Variants in LBP observed in about 807,000 individuals in gnomAD.
LBP encodes the protein lipopolysaccharide-binding protein.
Under a neutral mutation model 56.6 loss-of-function variants are expected in LBP, and 53 were observed. That is an observed-to-expected ratio of 0.94 (90% CI 0.75 to 1.18). The LOEUF is 1.18. LBP is among the 50% of genes most tolerant of loss of function. LBP has a pLI of 0.00. For synonymous variants in LBP, 227 were observed against 247.5 expected (o/e 0.92, Z 0.78); for missense variants, 601 against 598.3 (o/e 1.00, Z -0.05).
Position 38,373,153 on chromosome 20 carries a change from T to C in LBP, c.1324+18T>C. On this transcript the variant is annotated intron_variant, in intron 13 of 14. Coordinates refer to ENST00000217407, the MANE Select transcript of LBP (RefSeq NM_004139.5). The stretch of plus-strand genomic sequence containing the variant: ...GTTCAATGGTAAGAATCACTGTGGA[T>C]TTTTCCAAGTCAAAAGTGAACACTG... 4.4e-6 allele frequency: 7 copies of C among 1,606,986 alleles called. No individual in the cohort carries two copies. Among genetic ancestry groups the C allele is most frequent in the Non-Finnish European group, 6.0e-6 (7 of 1,173,542 alleles).
chr20:38,349,852 G>A (rs754122117), intron 2 of LBP, among the ~76,000 whole-genome samples, 190 bp downstream of exon 2: 10 of 152,276 alleles, frequency 6.6e-5, no homozygotes, highest in Non-Finnish European at 1.0e-4. Flanking sequence ...ACTCAGTCAC[G>A]CAGCAAATAT....
Position 38,376,639 on chromosome 20 carries a change from G to C in LBP, c.1416G>C (p.Leu472Phe). 2 of 1,613,990 alleles carry C rather than the reference G, an allele frequency of 1.2e-6. No homozygotes were observed. The highest frequency in any genetic ancestry group is 1.7e-6 in the Non-Finnish European group (2 of 1,179,894). The change falls in exon 15 of 15, where the codon TTG becomes TTC. Residue 472 changes from leucine (L) to phenylalanine (F), a missense_variant. Coordinates refer to ENST00000217407, the MANE Select transcript of LBP (RefSeq NM_004139.5). ...GLQIHKDFLF[L>F]GANVQYMRV The stretch of plus-strand genomic sequence containing the variant: ...GTTTTTCCTAGGACTTCCTGTTCTT[G>C]GGTGCCAATGTCCAATACATGAGAG...
chr20:38,371,221 C>T, intron 11 of LBP, 59 bp from the exon 12 acceptor site: 21 of 1,437,796 alleles, frequency 1.5e-5, no homozygotes, highest in Non-Finnish European at 2.0e-5. Context: ...CTGGGGACCC[C>T]CGCATTGCTT....
At chr20:38,373,461 A>G (rs1031261682) in intron 13 of LBP, among the ~76,000 whole-genome samples, 2 of 152,238 alleles carry the variant, frequency 1.3e-5, no homozygotes, top group Non-Finnish European at 2.9e-5. Flanking sequence ...TAGAAGGCAC[A>G]AGGCAGCCGC....
At position 38,346,609 on chromosome 20, in the gene LBP, C is replaced by T. The variant is rs745670381; in HGVS notation, c.93C>T (p.Val31=). Residue 31 remains valine, a synonymous_variant, in exon 1 of 15, where the codon GTC becomes GTT. Coordinates refer to ENST00000217407, the MANE Select transcript of LBP (RefSeq NM_004139.5). ...CTCTGGGTGCCAACCCCGGCTTGGT[C>T]GCCAGGATCACCGACAAGGGACTGC... ...PEALGANPGL[V]ARITDKGLQY... is the part of the protein sequence containing the mutation. The T allele has an allele frequency of 3.7e-6, 6 of 1,613,464 alleles. No individual in the cohort carries two copies. The highest frequency in any genetic ancestry group is 2.2e-5 in the South Asian group (2 of 91,054).
At position 38,360,767 on chromosome 20, in the gene LBP, G is replaced by A; in HGVS notation, c.652G>A (p.Val218Ile). The A allele has an allele frequency of 2.5e-6, 4 of 1,606,670 alleles. No individual in the cohort carries two copies. The South Asian group carries it at 4.4e-5, about 18-fold the overall frequency. Residue 218 changes from valine (V) to isoleucine (I), a missense_variant and splice_region_variant, in exon 6 of 15, where the codon GTT becomes ATT. By Grantham distance (29) the Val-to-Ile change is conservative. Transcript: ENST00000217407. Reference sequence around the variant, plus strand: ...ACAGCCTTATCTCCAAACTCTGCCAGGTAGGACACCCCATCCATCCCGGGA... The same window carrying A: ...ACAGCCTTATCTCCAAACTCTGCCAAGTAGGACACCCCATCCATCCCGGGA... ...DLQPYLQTLP[V>I]TTEIDSFADI...
In LBP at chr20:38,364,059, T is replaced by G; in HGVS notation, c.737T>G (p.Met246Arg). The change falls in exon 7 of 15, where the codon ATG becomes AGG. Residue 246 changes from methionine to arginine, a missense_variant. By Grantham distance (91) the Met-to-Arg change is moderately conservative. Transcript: ENST00000217407. Reference sequence around the variant, plus strand: ...GCAACAGCCCAGATGCTGGAGGTGATGTTTAAGGTGAGGGTCCTGGGGCCG... The same window carrying G: ...GCAACAGCCCAGATGCTGGAGGTGAGGTTTAAGGTGAGGGTCCTGGGGCCG... ...PRATAQMLEV[M>R]FKGEIFHRNH... is the part of the protein sequence containing the mutation. The G allele has an allele frequency of 6.2e-7, 1 of 1,612,014 alleles. No individual in the cohort carries two copies. The highest frequency in any genetic ancestry group is 8.5e-7 in the Non-Finnish European group (1 of 1,178,162).
At chr20:38,356,239 TAC>T (rs997598917) in intron 5 of LBP, among the ~76,000 whole-genome samples, 6 of 7,612 alleles carry the variant, frequency 7.9e-4, no homozygotes, top group Non-Finnish European at 1.5e-3. Flanking sequence ...ACACACACCC[TAC>T]ACACAGACAG....
chr20:38,371,587 G>A lies in LBP; in HGVS notation c.1260+265G>A, dbSNP rs541979667. On this transcript the variant is annotated intron_variant, in intron 12 of 14. Coordinates refer to ENST00000217407, the MANE Select transcript of LBP (RefSeq NM_004139.5). ...AGAAAGCCAATTGAAATCATCTTAA[G>A]CAAAGAGGAGAAATATATAGGATTA... is the stretch of plus-strand genomic sequence containing the variant. 3.3e-5 allele frequency among the ~76,000 whole-genome samples: 5 copies of A among 152,268 alleles called. No homozygotes were observed. The South Asian group carries it at 1.0e-3, about 32-fold the overall frequency.
At chr20:38,358,932 G>A (rs142122069) in intron 5 of LBP, among the ~76,000 whole-genome samples, 1 of 152,288 alleles carries the variant, frequency 6.6e-6, no homozygotes, top group African/African-American at 2.4e-5. Flanking sequence ...TTCAGGCAGC[G>A]TCTCCAGTGC....
chr20:38,354,545 A>C (rs2122600340), intron 4 of LBP, 106 bp downstream of exon 4: 1 of 1,033,020 alleles, frequency 9.7e-7, no homozygotes, highest in South Asian at 1.7e-5. Context: ...GGTGGCTTGC[A>C]CAGGCACTTG....
At chr20:38,346,977 G>A (rs533410855) in intron 1 of LBP, among the ~76,000 whole-genome samples, 2 of 152,270 alleles carry the variant, frequency 1.3e-5, no homozygotes, top group South Asian at 4.1e-4. Flanking sequence ...AATTAAACCA[G>A]CCACCACCTC....
chr20:38,370,818 C>G lies in LBP; in HGVS notation c.1217+13C>G. The G allele has an allele frequency of 1.2e-6, 2 of 1,610,590 alleles. No individual in the cohort carries two copies. Among genetic ancestry groups the G allele is most frequent in the Non-Finnish European group, 1.7e-6 (2 of 1,176,780 alleles). ...TGAAGCCAGGAAAGTAAGTTGGCCT[C>G]CTACCTACATGGGGGTGCCCAGCTG... On this transcript the variant is annotated intron_variant, in intron 11 of 14. Transcript: ENST00000217407.
intron 1 of LBP, among the ~76,000 whole-genome samples, chr20:38,347,023 G>A (rs746571562): frequency 4.6e-5 from 7 of 152,122 alleles, no homozygotes; most frequent in Admixed American, 3.3e-4. Context: ...AAAATTCTGC[G>A]TAAAGTTTGG....
chr20:38,371,187 T>C, intron 11 of LBP, 93 bp from the exon 12 acceptor site: 2 of 999,784 alleles, frequency 2.0e-6, no homozygotes, highest in Non-Finnish European at 3.1e-6. Flanking sequence ...CCCTGTGCCT[T>C]CTCAAGCCCA....
At chr20:38,362,613 A>G (rs2076865128) in intron 6 of LBP, among the ~76,000 whole-genome samples, 1 of 150,844 alleles carries the variant, frequency 6.6e-6, no homozygotes, top group African/African-American at 2.4e-5. Flanking sequence ...ACTCTGTCTC[A>G]ACAAAGAAAA....
chr20:38,355,248 C>A, intron 4 of LBP, 98 bp from the exon 5 acceptor site: 1 of 1,060,694 alleles, frequency 9.4e-7, no homozygotes, highest in Non-Finnish European at 1.5e-6. Context: ...GTGGAGAGGG[C>A]TCCCTTTGTG....
intron 9 of LBP, among the ~76,000 whole-genome samples, chr20:38,367,542 A>G (rs919019651): frequency 2.6e-5 from 4 of 152,240 alleles, no homozygotes. Context: ...TATAGAGTGG[A>G]AAGTCTCACA....
At position 38,346,553 on chromosome 20, in the gene LBP, C is replaced by T. The variant is rs750735863; in HGVS notation, c.37C>T (p.Leu13=). 1.1e-5 allele frequency: 18 copies of T among 1,613,718 alleles called. No individual in the cohort carries two copies. The highest frequency in any genetic ancestry group is 1.5e-5 in the Non-Finnish European group (18 of 1,180,004). Residue 13 remains leucine (L), a synonymous_variant, in exon 1 of 15, where the codon CTG becomes TTG. Transcript: ENST00000217407. The part of the protein sequence containing the change: ...ALARALPSIL[L]ALLLTSTPEA... ...GGCCAGAGCCCTGCCGTCCATACTG[C>T]TGGCATTGCTGCTTACGTCCACCCC... is the stretch of plus-strand genomic sequence containing the variant.
Sources: allele counts gnomAD v4.1 joint callset (sites outside exome capture counted in the v4.1 genomes callset), GRCh38; gene constraint gnomAD v4.1.1; transcripts MANE v1.5; gene names NCBI Gene and HGNC (gene_info 2026-07-23, HGNC 2026-07-21).